CDH13: variants seen among roughly 807,000 people sequenced by gnomAD.
The protein encoded by CDH13 is cadherin-13.
In CDH13, 24 loss-of-function variants were observed where a neutral mutation model predicts 63.8. The ratio of observed to expected loss-of-function variants is 0.38; its 90% CI spans 0.27 to 0.53. The LOEUF (loss-of-function observed/expected upper bound fraction) is 0.53, where lower values mean the gene tolerates loss of function less well. Among genes scored for constraint, CDH13 ranks in the 20% least tolerant of loss-of-function variants. The pLI is 0.85. For synonymous variants in CDH13, 503 were observed against 355.3 expected, an observed-to-expected ratio of 1.42 and a Z score of -4.67; for missense variants, 1,049 against 903.1, an observed-to-expected ratio of 1.16 and a Z score of -2.07.
At chr16:82,938,118 G>A (rs1444969344) in intron 2 of CDH13, among the ~76,000 whole-genome samples, 1 of 152,170 alleles carries the variant, frequency 6.6e-6, no homozygotes, top group Admixed American at 6.5e-5. Flanking sequence ...TTTCCACTTG[G>A]CATTTATTTC....
At chr16:82,628,731 T>G (rs1907655446) in intron 1 of CDH13, among the ~76,000 whole-genome samples, 1 of 152,166 alleles carries the variant, frequency 6.6e-6, no homozygotes, top group African/African-American at 2.4e-5. Flanking sequence ...CCAGATGTCC[T>G]GTACCCTAGA....
intron 6 of CDH13, among the ~76,000 whole-genome samples, chr16:83,393,897 C>T (rs940416359): frequency 1.3e-5 from 2 of 152,110 alleles, no homozygotes; most frequent in Non-Finnish European, 2.9e-5. Flanking sequence ...TGAAGAGGAA[C>T]ATAGAATACT....
chr16:82,851,382 C>T (rs567127376), intron 1 of CDH13, among the ~76,000 whole-genome samples: 2 of 148,618 alleles, frequency 1.3e-5, no homozygotes, highest in Non-Finnish European at 3.0e-5. Flanking sequence ...GTGCAGTGAG[C>T]CAAGATTGCA....
chr16:83,322,806 C>A (rs1041060987), intron 5 of CDH13, among the ~76,000 whole-genome samples: 5 of 152,154 alleles, frequency 3.3e-5, no homozygotes, highest in Non-Finnish European at 5.9e-5. Context: ...TCAGTACCTA[C>A]AGGTTATAAT....
chr16:83,009,400 A>G (rs1249998649), intron 2 of CDH13, among the ~76,000 whole-genome samples: 2 of 152,214 alleles, frequency 1.3e-5, no homozygotes, highest in African/African-American at 4.8e-5. Flanking sequence ...TGTTATTTTA[A>G]TGAAATTACA....
At chr16:83,651,160 C>T (rs1445351900) in intron 8 of CDH13, among the ~76,000 whole-genome samples, 1 of 152,050 alleles carries the variant, frequency 6.6e-6, no homozygotes, top group Non-Finnish European at 1.5e-5. Flanking sequence ...AGACCCCTAG[C>T]TCTAAGTAGT....
chr16:83,325,622 G>A (rs560255720), intron 5 of CDH13, among the ~76,000 whole-genome samples: 6 of 152,266 alleles, frequency 3.9e-5, no homozygotes, highest in Non-Finnish European at 8.8e-5. Flanking sequence ...CAGCCTCGAT[G>A]TGGCCTGTTA....
chr16:83,087,998 CG>C (rs1333836559), intron 3 of CDH13, among the ~76,000 whole-genome samples: 2 of 152,150 alleles, frequency 1.3e-5, no homozygotes, highest in Non-Finnish European at 2.9e-5. Flanking sequence ...CAGCCTTCAG[CG>C]GCTACATTTG....
intron 4 of CDH13, among the ~76,000 whole-genome samples, chr16:83,191,070 C>A (rs916817403): frequency 2.0e-5 from 3 of 151,346 alleles, no homozygotes; most frequent in African/African-American, 7.3e-5. Context: ...GTCCAACTGG[C>A]AGAAAGGCTT....
intron 2 of CDH13, among the ~76,000 whole-genome samples, chr16:82,907,453 G>C (rs768490626): frequency 6.6e-5 from 10 of 152,276 alleles, no homozygotes; most frequent in African/African-American, 7.2e-5. Flanking sequence ...ACTGCAACTT[G>C]AATCTGAGGC....
At chr16:83,348,516 C>A (rs548675114) in intron 6 of CDH13, among the ~76,000 whole-genome samples, 2 of 152,208 alleles carry the variant, frequency 1.3e-5, no homozygotes, top group Non-Finnish European at 2.9e-5. Context: ...AGAAGGGTCC[C>A]ATGCTCAGAA....
intron 6 of CDH13, among the ~76,000 whole-genome samples, chr16:83,408,386 C>G (rs538097743): frequency 6.6e-6 from 1 of 152,122 alleles, no homozygotes; most frequent in African/African-American, 2.4e-5. Context: ...AGTGCACTTA[C>G]GCAAATCTAG....
intron 2 of CDH13, among the ~76,000 whole-genome samples, chr16:83,002,472 T>A (rs1202563541): frequency 1.3e-5 from 2 of 152,140 alleles, no homozygotes; most frequent in Admixed American, 1.3e-4. Flanking sequence ...TAGAGAAAAA[T>A]TTCTGTTGTT....
chr16:83,587,488 G>T (rs8053315), intron 7 of CDH13, among the ~76,000 whole-genome samples: 57,428 of 152,026 alleles, frequency 0.38, 11,428 homozygotes, highest in Middle Eastern at 0.51. Flanking sequence ...GTATGTAACT[G>T]TGTGGAGCCG....
At chr16:83,400,909 A>C (rs7185043) in intron 6 of CDH13, among the ~76,000 whole-genome samples, 104,896 of 151,868 alleles carry the variant, frequency 0.69, 36,387 homozygotes, top group East Asian at 0.81. Context: ...TAATGATAGA[A>C]ATTGCTGGTG....
At chr16:83,157,292 A>T (rs61277922) in intron 4 of CDH13, among the ~76,000 whole-genome samples, 37,652 of 151,826 alleles carry the variant, frequency 0.25, 4,718 homozygotes, top group South Asian at 0.35. Flanking sequence ...GGGTGTTCTC[A>T]CAAGGAACAG....
intron 10 of CDH13, among the ~76,000 whole-genome samples, chr16:83,724,070 T>G (rs1402468415): frequency 1.3e-5 from 2 of 151,060 alleles, no homozygotes; most frequent in East Asian, 3.9e-4. Context: ...GAGTGATGAA[T>G]GCATGGGTGA....
intron 12 of CDH13, among the ~76,000 whole-genome samples, chr16:83,781,576 C>A (rs543971464): frequency 1.3e-5 from 2 of 152,002 alleles, no homozygotes; most frequent in South Asian, 2.1e-4. Context: ...GTTATTGATT[C>A]TATTTGCCTG....
At chr16:83,055,394 G>C (rs113792626) in intron 3 of CDH13, among the ~76,000 whole-genome samples, 2 of 121,504 alleles carry the variant, frequency 1.6e-5, no homozygotes, top group Non-Finnish European at 3.2e-5. Flanking sequence ...AAAAAAAAAA[G>C]AAAAGACACT....
Sources: allele counts gnomAD v4.1 joint callset (sites outside exome capture counted in the v4.1 genomes callset), GRCh38; gene constraint gnomAD v4.1.1; transcripts MANE v1.5; gene names NCBI Gene and HGNC (gene_info 2026-07-23, HGNC 2026-07-21).